DDX42: variants seen among roughly 807,000 people sequenced by gnomAD.
The protein encoded by DDX42 is ATP-dependent RNA helicase DDX42.
In DDX42, 22 loss-of-function variants were observed where a neutral mutation model predicts 101.5. The ratio of observed to expected loss-of-function variants is 0.22; its 90% CI spans 0.15 to 0.31. DDX42 has a LOEUF of 0.31. Ranked by LOEUF, DDX42 falls within the 10% of genes least tolerant of loss-of-function variation. The probability of loss-of-function intolerance (pLI) is 1.00; values close to 1 mark genes in which losing one functional copy is unlikely to be tolerated. For missense variants in DDX42, 849 were observed against 1,199.9 expected (o/e 0.71, Z 4.32); for synonymous variants, 402 against 401.2 (o/e 1.00, Z -0.02).
At chr17:63,783,197 T>C (rs1326947993) in intron 1 of DDX42, among the ~76,000 whole-genome samples, 1 of 152,228 alleles carries the variant, frequency 6.6e-6, no homozygotes, top group Non-Finnish European at 1.5e-5. Flanking sequence ...CAGACTGCAC[T>C]GTCTACTCCT....
At chr17:63,787,625 C>T (rs1468299846) in intron 2 of DDX42, among the ~76,000 whole-genome samples, 4 of 151,954 alleles carry the variant, frequency 2.6e-5, no homozygotes, top group East Asian at 1.9e-4. Context: ...GATCATCTGA[C>T]GTCAGGAGTT....
intron 17 of DDX42, chr17:63,817,488 T>A (rs1440935925): frequency 1.8e-6 from 1 of 549,690 alleles, no homozygotes; most frequent in Non-Finnish European, 3.2e-6. Context: ...TTCAGAACAC[T>A]GGGGGTCCAT....
chr17:63,776,379 ACT>A (rs1410677558), intron 1 of DDX42: 8 of 152,002 alleles, frequency 5.3e-5, no homozygotes, highest in African/African-American at 1.9e-4. Flanking sequence ...CTGGCTTCTG[ACT>A]CTGTTATGAC....
rs60325980 is a variant in DDX42 at position 63,802,910 on chromosome 17, C to CAA, written c.622-2147_622-2146dup. 3.3e-3 allele frequency among the ~76,000 whole-genome samples: 474 copies of CAA among 142,470 alleles called. 1 individual carries two copies. The highest frequency in any genetic ancestry group is 8.4e-3 in the African/African-American group (324 of 38,742). The allele number at this position is 142,470 out of a possible 152,430, so 93.5% of individuals were successfully genotyped here. A position where few individuals can be genotyped will look rare whatever the true frequency, so the allele number is the denominator to read the frequency against. On this transcript the variant is annotated intron_variant, in intron 6 of 17. Coordinates refer to ENST00000389924, the MANE Select transcript of DDX42 (RefSeq NM_203499.3). ...GGGCAATAAGAACAACACTCCATCTCAAAAAAAAAAAAAAATTCAAGCTTT... is the reference window on the plus strand; with the variant it reads ...GGGCAATAAGAACAACACTCCATCTCAAAAAAAAAAAAAAAAATTCAAGCTTT...
chr17:63,803,101 C>T (rs957306360), intron 6 of DDX42, among the ~76,000 whole-genome samples: 1 of 151,918 alleles, frequency 6.6e-6, no homozygotes, highest in Non-Finnish European at 1.5e-5. Context: ...CCTCAGTGAA[C>T]CAATATTTTC....
intron 13 of DDX42, chr17:63,811,441 A>G (rs1011430919): frequency 5.2e-5 from 20 of 382,422 alleles, no homozygotes; most frequent in African/African-American, 3.1e-4. Flanking sequence ...AAAACTTACA[A>G]TTGTTTTAAA....
intron 3 of DDX42, among the ~76,000 whole-genome samples, chr17:63,797,181 G>A (rs1336142905): frequency 6.6e-6 from 1 of 151,844 alleles, no homozygotes. Context: ...GAGAAACCCC[G>A]TCTCTACTAA....
At chr17:63,777,561 C>A (rs1444412074) in intron 1 of DDX42, among the ~76,000 whole-genome samples, 1 of 151,768 alleles carries the variant, frequency 6.6e-6, no homozygotes. Context: ...GATTCTCCTG[C>A]CTCAGCCTCC....
At chr17:63,781,295 G>A (rs1036035110) in intron 1 of DDX42, among the ~76,000 whole-genome samples, 7 of 152,022 alleles carry the variant, frequency 4.6e-5, no homozygotes, top group East Asian at 1.9e-4. Context: ...TTGGCTCACC[G>A]CAAGCTCTAC....
intron 3 of DDX42, among the ~76,000 whole-genome samples, chr17:63,797,269 T>G (rs1285601230): frequency 4.7e-5 from 7 of 148,914 alleles, no homozygotes; most frequent in South Asian, 2.1e-4. Context: ...GGAGAATCGC[T>G]TGAACCTGGG....
chr17:63,781,934 C>T (rs971947866), intron 1 of DDX42, among the ~76,000 whole-genome samples: 4 of 151,926 alleles, frequency 2.6e-5, no homozygotes, highest in African/African-American at 9.7e-5. Flanking sequence ...GGTGTGAACC[C>T]GGGAGGCAGA....
rs537220422 is a variant in DDX42, at chr17:63,807,513, A to G, written c.847-211A>G. Among the ~76,000 whole-genome samples the G allele has an allele frequency of 2.6e-5, 4 of 152,346 alleles. No individual in the cohort carries two copies. In the East Asian group the frequency reaches 7.7e-4, roughly 29 times the overall value. On this transcript the variant is annotated intron_variant, in intron 8 of 17. Transcript: ENST00000389924. ...GTAAGTGGTGGCTGATATCCACGTA[A>G]TGAGAATGATGTCATTTCCTATAAA...
At chr17:63,793,563 C>T (rs1450689676) in intron 3 of DDX42, among the ~76,000 whole-genome samples, 3 of 152,152 alleles carry the variant, frequency 2.0e-5, no homozygotes, top group African/African-American at 7.2e-5. Flanking sequence ...CCACTGTGCC[C>T]AATCCAATTC....
chr17:63,806,559 C>G lies in DDX42; in HGVS notation c.751C>G (p.Pro251Ala), dbSNP rs2039843210. 6.2e-7 allele frequency: 1 copy of G among 1,613,220 alleles called. No homozygotes were observed. Among genetic ancestry groups the G allele is most frequent in the Non-Finnish European group, 8.5e-7 (1 of 1,179,706 alleles). The stretch of plus-strand genomic sequence containing the variant: ...GGTCTCTGGTGCTGCACCTCCTAGA[C>G]CAGGAAGTAGCTTTGCTCATTTTGG... ...LRVSGAAPPRPGSSFAHFGFD... is the reference protein window; with the variant it reads ...LRVSGAAPPRAGSSFAHFGFD... Residue 251 changes from proline (P) to alanine (A), a missense_variant, in exon 8 of 18, where the codon CCA becomes GCA. By Grantham distance (27) the Pro-to-Ala change is conservative (BLOSUM62 -1). Coordinates refer to ENST00000389924, the MANE Select transcript of DDX42 (RefSeq NM_203499.3).
chr17:63,793,856 T>TTATA (rs138103837), intron 3 of DDX42, among the ~76,000 whole-genome samples: 179 of 70,696 alleles, frequency 2.5e-3, no homozygotes, highest in East Asian at 0.025. Context: ...GCAGAAAAAT[T>TTATA]TATATATATA....
At chr17:63,800,315 A>C in intron 5 of DDX42, 153 bp from the exon 6 acceptor site, 1 of 583,728 alleles carries the variant, frequency 1.7e-6, no homozygotes, top group Non-Finnish European at 2.8e-6. Flanking sequence ...GAATATTGCT[A>C]TTATTAAAGG....
chr17:63,782,588 T>C (rs559809434), intron 1 of DDX42, among the ~76,000 whole-genome samples: 1 of 152,290 alleles, frequency 6.6e-6, no homozygotes, highest in African/African-American at 2.4e-5. Flanking sequence ...CTTCCTTAGC[T>C]TCCACACCAA....
At chr17:63,783,800 C>T (rs2039515490) in intron 1 of DDX42, among the ~76,000 whole-genome samples, 1 of 152,110 alleles carries the variant, frequency 6.6e-6, no homozygotes, top group Admixed American at 6.6e-5. Flanking sequence ...CCGTGGCTCA[C>T]ACCTGTAATC....
intron 1 of DDX42, chr17:63,774,848 A>C (rs577556841): frequency 6.6e-6 from 1 of 152,362 alleles, no homozygotes; most frequent in South Asian, 2.1e-4. Flanking sequence ...GATTATTAGC[A>C]TCACTGTAGT....
Sources: allele counts gnomAD v4.1 joint callset (sites outside exome capture counted in the v4.1 genomes callset), GRCh38; gene constraint gnomAD v4.1.1; transcripts MANE v1.5; gene names NCBI Gene and HGNC (gene_info 2026-07-23, HGNC 2026-07-21).